RARB: variants seen among roughly 807,000 people sequenced by gnomAD.
The protein encoded by RARB is retinoic acid receptor beta.
Under a neutral mutation model 51.9 loss-of-function variants are expected in RARB, and 17 were observed. The observed-to-expected ratio is 0.33, with a 90% CI of 0.22 to 0.49. The LOEUF is 0.49. Ranked by LOEUF, RARB falls within the 20% of genes least tolerant of loss-of-function variation. The pLI, the probability that RARB is intolerant of heterozygous loss-of-function variation, is 0.99. For missense variants in RARB, 369 were observed against 550.8 expected (o/e 0.67, Z 3.30); for synonymous variants, 215 against 195.4 (o/e 1.10, Z -0.84).
At chr3:25,437,439 C>T in intron 1 of RARB, among the ~76,000 whole-genome samples, 1 of 152,150 alleles carries the variant, frequency 6.6e-6, no homozygotes, top group South Asian at 2.1e-4. Flanking sequence ...GGGTGTCTGC[C>T]ATGTGCCAGG....
At chr3:25,463,938 G>A (rs997794098) in intron 2 of RARB, among the ~76,000 whole-genome samples, 7 of 152,080 alleles carry the variant, frequency 4.6e-5, no homozygotes, top group Admixed American at 2.6e-4. Flanking sequence ...TGACTAAAAA[G>A]GAAGACATTT....
intron 4 of RARB, among the ~76,000 whole-genome samples, chr3:25,136,161 T>C (rs959880316): frequency 6.6e-6 from 1 of 151,994 alleles, no homozygotes; most frequent in Non-Finnish European, 1.5e-5. Context: ...TCCCTCAATA[T>C]GCCAGGAGAA....
chr3:24,918,068 A>G (rs1390271255), intron 2 of RARB, among the ~76,000 whole-genome samples: 2 of 152,250 alleles, frequency 1.3e-5, no homozygotes, highest in African/African-American at 2.4e-5. Context: ...AACGAAAGGA[A>G]AACATACATC....
chr3:24,983,999 T>A (rs1575105597), intron 2 of RARB, among the ~76,000 whole-genome samples: 2 of 152,216 alleles, frequency 1.3e-5, no homozygotes, highest in South Asian at 4.1e-4. Flanking sequence ...TTATGATTCT[T>A]ACTAATTCTA....
At chr3:24,976,405 G>C (rs887538198) in intron 2 of RARB, among the ~76,000 whole-genome samples, 3 of 152,170 alleles carry the variant, frequency 2.0e-5, no homozygotes, top group African/African-American at 4.8e-5. Flanking sequence ...AAGCATTCCT[G>C]TTTCTCCACA....
intron 2 of RARB, among the ~76,000 whole-genome samples, chr3:25,490,013 T>C (rs759175999): frequency 1.3e-4 from 20 of 152,186 alleles, no homozygotes; most frequent in Non-Finnish European, 2.1e-4. Flanking sequence ...CTTAGTGAGA[T>C]TTTTGCACTG....
chr3:24,919,472 A>G (rs1023621691), intron 2 of RARB, among the ~76,000 whole-genome samples: 1 of 149,452 alleles, frequency 6.7e-6, no homozygotes, highest in South Asian at 2.1e-4. Context: ...AAATAAGGCA[A>G]ACACCAAGCT....
At chr3:24,932,429 C>T (rs1052473755) in intron 2 of RARB, among the ~76,000 whole-genome samples, 2 of 151,954 alleles carry the variant, frequency 1.3e-5, no homozygotes, top group Admixed American at 1.3e-4. Context: ...CTACTAGAGT[C>T]GTTTACATTG....
intron 2 of RARB, among the ~76,000 whole-genome samples, chr3:24,952,091 T>A (rs1695905878): frequency 3.3e-5 from 5 of 152,194 alleles, no homozygotes; most frequent in Admixed American, 3.3e-4. Context: ...AAGTAACATT[T>A]GCAGCTGGGT....
intron 5 of RARB, among the ~76,000 whole-genome samples, chr3:25,311,504 G>T (rs1279859884): frequency 6.6e-6 from 1 of 152,166 alleles, no homozygotes; most frequent in East Asian, 1.9e-4. Flanking sequence ...TCTGTTTATA[G>T]TTTTTATTTA....
chr3:25,206,184 G>T (rs7631296), intron 5 of RARB, among the ~76,000 whole-genome samples: 1 of 152,080 alleles, frequency 6.6e-6, no homozygotes, highest in Non-Finnish European at 1.5e-5. Context: ...TTTTCCAGCT[G>T]TAATAATATT....
chr3:25,181,950 C>T (rs1490502453), intron 5 of RARB, among the ~76,000 whole-genome samples: 1 of 152,190 alleles, frequency 6.6e-6, no homozygotes, highest in Non-Finnish European at 1.5e-5. Flanking sequence ...GGGCAAGCAT[C>T]TTACCACTTC....
intron 5 of RARB, among the ~76,000 whole-genome samples, chr3:25,421,098 C>T (rs1031985438): frequency 6.6e-6 from 1 of 151,126 alleles, no homozygotes; most frequent in Non-Finnish European, 1.5e-5. Flanking sequence ...GTCATTCTGA[C>T]TCAGTGTGTG....
intron 2 of RARB, among the ~76,000 whole-genome samples, chr3:24,907,026 G>A (rs1409147684): frequency 6.6e-6 from 1 of 152,028 alleles, no homozygotes; most frequent in Non-Finnish European, 1.5e-5. Context: ...AGGAATATCT[G>A]GGGCTGAGTT....
intron 2 of RARB, among the ~76,000 whole-genome samples, chr3:24,936,456 T>C (rs1202967360): frequency 6.6e-6 from 1 of 152,188 alleles, no homozygotes; most frequent in Non-Finnish European, 1.5e-5. Flanking sequence ...GCATTTTTCA[T>C]ATTAGGTTAA....
At chr3:25,460,422 T>A (rs941445210) in intron 1 of RARB, among the ~76,000 whole-genome samples, 1 of 143,510 alleles carries the variant, frequency 7.0e-6, no homozygotes, top group Non-Finnish European at 1.5e-5. Flanking sequence ...AGGAAAATTT[T>A]AAAATTTTTA....
chr3:25,004,973 G>A (rs1050952401), intron 2 of RARB, among the ~76,000 whole-genome samples: 1 of 152,020 alleles, frequency 6.6e-6, no homozygotes, highest in East Asian at 1.9e-4. Context: ...TGGAAGTTTC[G>A]TTTTGCTAGT....
chr3:25,192,173 T>G (rs1701119853), intron 5 of RARB, among the ~76,000 whole-genome samples: 1 of 152,108 alleles, frequency 6.6e-6, no homozygotes, highest in Non-Finnish European at 1.5e-5. Flanking sequence ...TGAGAAACCT[T>G]GTTGGTATGA....
intron 3 of RARB, among the ~76,000 whole-genome samples, chr3:25,087,462 T>C (rs1239368902): frequency 1.3e-5 from 2 of 152,160 alleles, no homozygotes; most frequent in African/African-American, 2.4e-5. Flanking sequence ...ATCCATCATG[T>C]CTTCCTTGTA....
Sources: gnomAD v4.1 joint callset for allele counts (sites outside exome capture counted in the v4.1 genomes callset) on GRCh38, gnomAD v4.1.1 for gene constraint, MANE v1.5 for transcripts, NCBI Gene and HGNC (gene_info 2026-07-23, HGNC 2026-07-21) for gene names.